PDE4B: variants seen among roughly 807,000 people sequenced by gnomAD.
PDE4B encodes phosphodiesterase 4B.
In PDE4B, 20 loss-of-function variants were observed where a neutral mutation model predicts 82.2. The observed-to-expected ratio is 0.24, with a 90% CI of 0.17 to 0.35. The LOEUF (loss-of-function observed/expected upper bound fraction) is 0.35, where lower values mean the gene tolerates loss of function less well. PDE4B is among the 10% of genes least tolerant of loss of function. PDE4B has a pLI of 1.00. For missense variants in PDE4B, 655 were observed against 907.2 expected (o/e 0.72, Z 3.57); for synonymous variants, 320 against 318.9 (o/e 1.00, Z -0.04).
intron 3 of PDE4B, among the ~76,000 whole-genome samples, chr1:66,160,738 A>T (rs1270153424): frequency 3.9e-5 from 6 of 152,164 alleles, no homozygotes; most frequent in African/African-American, 9.7e-5. Context: ...GAAATCTATG[A>T]CCTCTGAATT....
chr1:65,867,201 A>G (rs1483918148), intron 1 of PDE4B, among the ~76,000 whole-genome samples: 2 of 152,220 alleles, frequency 1.3e-5, no homozygotes, highest in Non-Finnish European at 2.9e-5. Flanking sequence ...AAAGCCCCTT[A>G]GGAACACAAA....
At chr1:66,201,295 G>T (rs1648919439) in intron 3 of PDE4B, among the ~76,000 whole-genome samples, 1 of 152,148 alleles carries the variant, frequency 6.6e-6, no homozygotes, top group South Asian at 2.1e-4. Context: ...AAGGATATTG[G>T]TCTAAAATTC....
intron 4 of PDE4B, among the ~76,000 whole-genome samples, chr1:66,252,677 C>T (rs534676004): frequency 3.2e-4 from 49 of 152,180 alleles, no homozygotes; most frequent in African/African-American, 1.1e-3. Context: ...TTGGGCAGGG[C>T]GTGGTGGCCT....
chr1:66,172,544 C>A (rs1342337975), intron 3 of PDE4B, among the ~76,000 whole-genome samples: 2 of 152,164 alleles, frequency 1.3e-5, no homozygotes, highest in African/African-American at 4.8e-5. Context: ...TCCACAGTGG[C>A]TGACCTAATT....
chr1:66,354,439 G>A, intron 8 of PDE4B: 1 of 990,010 alleles, frequency 1.0e-6, no homozygotes, highest in Non-Finnish European at 1.2e-6. Context: ...CAACTCCTCA[G>A]GAAAGAAGAA....
intron 3 of PDE4B, among the ~76,000 whole-genome samples, chr1:66,129,388 T>C (rs1444133519): frequency 6.6e-6 from 1 of 152,064 alleles, no homozygotes; most frequent in African/African-American, 2.4e-5. Flanking sequence ...CCGGGCGCGG[T>C]GGCTCACGCC....
chr1:66,090,675 G>GTGTATA (rs1557553544), intron 3 of PDE4B, among the ~76,000 whole-genome samples: 1 of 5,338 alleles, frequency 1.9e-4, no homozygotes, highest in African/African-American at 6.4e-4. Context: ...ATATGTGTAT[G>GTGTATA]TGTATATGTA....
In PDE4B at chr1:65,815,951, G is replaced by A. The variant is rs115245247; in HGVS notation, c.-71+22703G>A. Among the ~76,000 whole-genome samples, 976 of 152,144 alleles carry A rather than the reference G, an allele frequency of 6.4e-3. 5 individuals are homozygous for A. The highest frequency in any genetic ancestry group is 9.5e-3 in the Non-Finnish European group (648 of 67,988). On this transcript the variant is annotated intron_variant, in intron 1 of 16. Coordinates refer to ENST00000341517, the MANE Select transcript of PDE4B (RefSeq NM_002600.4). ...TTCCTCATTTCTGACTCCATCCTAA[G>A]CTAACTGATCTTAATAATTGGTGAG...
At chr1:65,917,126 C>G (rs1157439877) in intron 2 of PDE4B, among the ~76,000 whole-genome samples, 1 of 152,086 alleles carries the variant, frequency 6.6e-6, no homozygotes, top group Non-Finnish European at 1.5e-5. Context: ...AGAAAAGATA[C>G]CATTCCTCTT....
chr1:65,920,181 TG>T (rs1320220967), intron 3 of PDE4B, among the ~76,000 whole-genome samples: 10 of 152,242 alleles, frequency 6.6e-5, no homozygotes, highest in African/African-American at 2.4e-4. Context: ...TTCAGCAGGT[TG>T]GCAGTGATAC....
At chr1:66,198,496 C>T (rs1357483118) in intron 3 of PDE4B, among the ~76,000 whole-genome samples, 3 of 152,082 alleles carry the variant, frequency 2.0e-5, no homozygotes, top group Non-Finnish European at 2.9e-5. Context: ...TATAATTCAT[C>T]TTAGAGAAAC....
intron 3 of PDE4B, among the ~76,000 whole-genome samples, chr1:66,096,877 G>GT (rs1006280996): frequency 6.6e-6 from 1 of 151,652 alleles, no homozygotes; most frequent in African/African-American, 2.4e-5. Context: ...ATAGTGTGTA[G>GT]TTTTTCATAT....
At chr1:66,050,185 C>G (rs573949443) in intron 3 of PDE4B, among the ~76,000 whole-genome samples, 1 of 151,938 alleles carries the variant, frequency 6.6e-6, no homozygotes, top group South Asian at 2.1e-4. Context: ...TCCATGAATT[C>G]TATGTTCAAT....
At chr1:66,074,667 A>G (rs1327829198) in intron 3 of PDE4B, among the ~76,000 whole-genome samples, 1 of 150,008 alleles carries the variant, frequency 6.7e-6, no homozygotes, top group East Asian at 2.0e-4. Flanking sequence ...GGCTGCACTA[A>G]TCTGCTTTCT....
intron 3 of PDE4B, among the ~76,000 whole-genome samples, chr1:65,998,571 C>A (rs1651683343): frequency 6.6e-6 from 1 of 151,916 alleles, no homozygotes. Flanking sequence ...ATAATGACTT[C>A]TACTTATTTT....
chr1:66,301,992 C>T (rs543884186), intron 7 of PDE4B, among the ~76,000 whole-genome samples: 3 of 152,180 alleles, frequency 2.0e-5, no homozygotes, highest in Non-Finnish European at 4.4e-5. Context: ...CCATTAGCCT[C>T]TCAAACCACA....
intron 7 of PDE4B, chr1:66,267,404 C>T (rs1655132701): frequency 6.6e-6 from 1 of 152,176 alleles, no homozygotes; most frequent in South Asian, 2.1e-4. Flanking sequence ...ATCATATTGG[C>T]CTACCAGTGA....
At chr1:65,814,444 A>T (rs978189790) in intron 1 of PDE4B, among the ~76,000 whole-genome samples, 2 of 151,932 alleles carry the variant, frequency 1.3e-5, no homozygotes, top group African/African-American at 2.4e-5. Context: ...GCTTTTTTTT[A>T]AAAGAAACTT....
At chr1:66,065,364 C>G (rs1439923876) in intron 3 of PDE4B, among the ~76,000 whole-genome samples, 3 of 151,782 alleles carry the variant, frequency 2.0e-5, no homozygotes, top group African/African-American at 7.3e-5. Flanking sequence ...TAAAAAAATG[C>G]ATACTTTAGA....
Sources: gnomAD v4.1 joint callset for allele counts (sites outside exome capture counted in the v4.1 genomes callset) on GRCh38, gnomAD v4.1.1 for gene constraint, MANE v1.5 for transcripts, NCBI Gene and HGNC (gene_info 2026-07-23, HGNC 2026-07-21) for gene names.